The following TBL1Y variants were observed in gnomAD, a reference collection of about 807,000 sequenced individuals.
TBL1Y encodes F-box-like/WD repeat-containing protein TBL1Y.
A neutral mutation model predicts 12.0 loss-of-function variants in TBL1Y; 15 were observed. The observed-to-expected ratio is 1.25, with a 90% CI of 0.83 to 1.92. TBL1Y has a LOEUF of 1.92. TBL1Y is among the 40% of genes most tolerant of loss of function. TBL1Y has a pLI of 0.00. For missense variants in TBL1Y, 148 were observed against 116.7 expected (o/e 1.27, Z -1.24); for synonymous variants, 53 against 42.6 (o/e 1.24, Z -0.95).
chrY:7,010,141 G>C (rs2012510032), intron 4 of TBL1Y, among the ~76,000 whole-genome samples: 1 of 32,560 alleles, frequency 3.1e-5, no homozygotes, highest in African/African-American at 1.2e-4. Flanking sequence ...CCATCTAAAA[G>C]AGCTAAAGAT....
intron 4 of TBL1Y, among the ~76,000 whole-genome samples, chrY:7,001,143 C>G (rs2012447238): frequency 3.1e-5 from 1 of 32,108 alleles, no homozygotes; most frequent in Non-Finnish European, 7.6e-5. Context: ...GAGCTTGTAA[C>G]CCCCCATGCA....
intron 13 of TBL1Y, among the ~76,000 whole-genome samples, chrY:7,080,047 G>GT (rs1426265629): frequency 2.4e-4 from 2 of 8,407 alleles, no homozygotes; most frequent in Admixed American, 1.1e-3. Flanking sequence ...ACACGGGACT[G>GT]TTTGTTTTTT....
At chrY:7,015,938 T>C in intron 4 of TBL1Y, among the ~76,000 whole-genome samples, 2 of 33,497 alleles carry the variant, frequency 6.0e-5, no homozygotes, top group Admixed American at 2.7e-4. Flanking sequence ...TGCAAATCAT[T>C]ACCCCCATTT....
At chrY:7,017,446 G>A (rs2012556420) in intron 4 of TBL1Y, among the ~76,000 whole-genome samples, 1 of 33,143 alleles carries the variant, frequency 3.0e-5, no homozygotes, top group African/African-American at 1.2e-4. Flanking sequence ...TGAAGGCTGC[G>A]TCAAAAGGGG....
chrY:6,949,754 A>T, intron 2 of TBL1Y, among the ~76,000 whole-genome samples: 2 of 33,728 alleles, frequency 5.9e-5, no homozygotes, highest in Non-Finnish European at 1.5e-4. Flanking sequence ...ATCTTAGTTT[A>T]AAAAATGAGG....
intron 2 of TBL1Y, among the ~76,000 whole-genome samples, chrY:6,932,881 A>G: frequency 6.3e-5 from 2 of 31,712 alleles, no homozygotes; most frequent in South Asian, 7.4e-4. Flanking sequence ...TCCTATCTCT[A>G]TAGACTCACT....
At chrY:7,075,017 A>C (rs946210744) in intron 13 of TBL1Y, among the ~76,000 whole-genome samples, 1 of 32,889 alleles carries the variant, frequency 3.0e-5, no homozygotes, top group Non-Finnish European at 7.5e-5. Flanking sequence ...ATGCAGCAAA[A>C]GTTGATTATT....
At chrY:6,933,357 G>A (rs759738586) in intron 2 of TBL1Y, among the ~76,000 whole-genome samples, 2 of 33,745 alleles carry the variant, frequency 5.9e-5, no homozygotes, top group African/African-American at 2.3e-4. Flanking sequence ...AAGTATAATA[G>A]CCTAATGGGC....
At chrY:6,969,801 T>G in intron 2 of TBL1Y, among the ~76,000 whole-genome samples, 1 of 32,734 alleles carries the variant, frequency 3.1e-5, no homozygotes, top group Admixed American at 2.8e-4. Flanking sequence ...ATGCACCCAT[T>G]CTTGACTACT....
Position 7,085,589 on chromosome Y carries a change from G to T in TBL1Y, c.1078-309G>T, listed in dbSNP as rs561389542. ...GCTTTTAAAATAACTGGTTTTATTT[G>T]CTGTGTTTTATGGTATATGAATTCT... On this transcript the variant is annotated intron_variant, in intron 14 of 18. Coordinates refer to ENST00000383032, the MANE Select transcript of TBL1Y (RefSeq NM_033284.2). Among the ~76,000 whole-genome samples, 58 of 33,750 alleles carry T rather than the reference G, an allele frequency of 1.7e-3. No individual in the cohort carries two copies. In the South Asian group the frequency reaches 0.037, roughly 21 times the overall value. 90.5% of individuals were successfully genotyped at this position (33,750 alleles called of 37,273 possible).
At chrY:6,984,944 G>A in intron 3 of TBL1Y, among the ~76,000 whole-genome samples, 1 of 33,952 alleles carries the variant, frequency 2.9e-5, no homozygotes, top group East Asian at 7.8e-4. Context: ...GGTCTAGGCA[G>A]AAGGATCCGT....
At chrY:7,063,495 A>G in intron 7 of TBL1Y, among the ~76,000 whole-genome samples, 2 of 32,605 alleles carry the variant, frequency 6.1e-5, no homozygotes, top group Non-Finnish European at 1.5e-4. Context: ...AGAGCAGAAA[A>G]TCGGAATGAG....
chrY:7,035,868 C>G (rs2012689564), intron 6 of TBL1Y, among the ~76,000 whole-genome samples: 3 of 32,746 alleles, frequency 9.2e-5, no homozygotes, highest in Non-Finnish European at 2.3e-4. Context: ...ATGGGTGCAG[C>G]AAACCACCAT....
At chrY:7,029,511 G>T in intron 6 of TBL1Y, among the ~76,000 whole-genome samples, 1 of 33,729 alleles carries the variant, frequency 3.0e-5, no homozygotes. Context: ...GTGTTCAAAG[G>T]ATCCTTCTAC....
intron 13 of TBL1Y, among the ~76,000 whole-genome samples, chrY:7,079,210 T>C: frequency 2.9e-5 from 1 of 34,018 alleles, no homozygotes; most frequent in Non-Finnish European, 7.3e-5. Context: ...TCTTGCTCAT[T>C]TCCCCCCTTG....
At chrY:7,005,196 G>A (rs2012479322) in intron 4 of TBL1Y, among the ~76,000 whole-genome samples, 3 of 32,634 alleles carry the variant, frequency 9.2e-5, no homozygotes, top group Non-Finnish European at 2.2e-4. Context: ...TTCAGAAGTC[G>A]AGGTGGGAGG....
intron 4 of TBL1Y, among the ~76,000 whole-genome samples, chrY:7,007,480 TCTCA>T (rs2012494928): frequency 3.0e-5 from 1 of 33,108 alleles, no homozygotes; most frequent in Non-Finnish European, 7.4e-5. Context: ...TCAGAGAGGG[TCTCA>T]CTCTGTTGCC....
chrY:7,059,467 TG>T (rs2012844117), intron 7 of TBL1Y, among the ~76,000 whole-genome samples: 1 of 32,564 alleles, frequency 3.1e-5, no homozygotes, highest in Non-Finnish European at 7.5e-5. Flanking sequence ...CCCCTTCCAC[TG>T]TATGAACAGG....
At chrY:7,061,511 C>T in intron 7 of TBL1Y, among the ~76,000 whole-genome samples, 2 of 32,245 alleles carry the variant, frequency 6.2e-5, no homozygotes, top group East Asian at 1.7e-3. Flanking sequence ...GTCTGTTTGA[C>T]CCCTTCTTTG....
Sources: allele counts gnomAD v4.1 joint callset (sites outside exome capture counted in the v4.1 genomes callset), GRCh38; gene constraint gnomAD v4.1.1; transcripts MANE v1.5; gene names NCBI Gene and HGNC (gene_info 2026-07-23, HGNC 2026-07-21).